DOT1L: variants seen among roughly 807,000 people sequenced by gnomAD.
DOT1L encodes the protein histone-lysine N-methyltransferase, H3 lysine-79 specific.
Under a neutral mutation model 153.3 loss-of-function variants are expected in DOT1L, and 33 were observed. The observed-to-expected ratio is 0.22, with a 90% confidence interval of 0.16 to 0.29. The LOEUF (loss-of-function observed/expected upper bound fraction) is 0.29. Ranked by LOEUF, DOT1L falls within the 10% of genes least tolerant of loss-of-function variation. The pLI is 1.00. For synonymous variants in DOT1L, 1,135 were observed against 965.1 expected, an observed-to-expected ratio of 1.18 and a Z score of -3.26; for missense variants, 1,847 against 2,119.9, an observed-to-expected ratio of 0.87 and a Z score of 2.53.
chr19:2,179,891 TG>T (rs2022147136), intron 1 of DOT1L, among the ~76,000 whole-genome samples: 1 of 152,026 alleles, frequency 6.6e-6, no homozygotes, highest in South Asian at 2.1e-4. Flanking sequence ...CAGCCTGTTG[TG>T]GGTTTATATC....
chr19:2,227,437 G>A, intron 27 of DOT1L: 1 of 609,860 alleles, frequency 1.6e-6, no homozygotes, highest in Non-Finnish European at 3.1e-6. Flanking sequence ...GGCCGCCCGG[G>A]CTCTGGCAAG....
chr19:2,209,910 C>T (rs762018716), intron 12 of DOT1L, among the ~76,000 whole-genome samples: 4 of 152,204 alleles, frequency 2.6e-5, no homozygotes, highest in Non-Finnish European at 4.4e-5. Context: ...GGGAACGGCC[C>T]GAGGTGGCCG....
rs1300191214 is a variant in DOT1L at position 2,190,111 on chromosome 19, C to T, written c.264+316C>T. 6.6e-6 allele frequency among the ~76,000 whole-genome samples: 1 copy of T among 152,154 alleles called. No individual in the cohort carries two copies. The highest frequency in any genetic ancestry group is 2.4e-5 in the African/African-American group (1 of 41,424). On this transcript the variant is annotated intron_variant, in intron 4 of 27. Transcript: ENST00000398665. The surrounding 1 kb of genome is among the most constrained non-coding windows in gnomAD (Gnocchi z 4.8). ...CGCAGGTCCCAGCAGAGGCGGGGTCCCTGTCCTCCCCGGGCTGTGTGAATG... is the reference window on the plus strand; with the variant it reads ...CGCAGGTCCCAGCAGAGGCGGGGTCTCTGTCCTCCCCGGGCTGTGTGAATG...
chr19:2,224,723 C>A (rs1253847959), intron 25 of DOT1L, among the ~76,000 whole-genome samples: 1 of 152,192 alleles, frequency 6.6e-6, no homozygotes, highest in Non-Finnish European at 1.5e-5. Context: ...CTCCCAGTGC[C>A]TCCCAGCGTG....
At chr19:2,170,299 G>C (rs562843345) in intron 1 of DOT1L, among the ~76,000 whole-genome samples, 3 of 152,294 alleles carry the variant, frequency 2.0e-5, no homozygotes, top group East Asian at 1.9e-4. Context: ...GCTTGCCCCT[G>C]GTGTGGTTGG....
At chr19:2,168,196 A>G (rs2144645902) in intron 1 of DOT1L, among the ~76,000 whole-genome samples, 1 of 152,310 alleles carries the variant, frequency 6.6e-6, no homozygotes, top group East Asian at 1.9e-4. Context: ...GGCCGGGCAC[A>G]GGGGCTCATG....
intron 27 of DOT1L, chr19:2,228,390 C>T (rs762849515): frequency 1.1e-5 from 14 of 1,274,080 alleles, no homozygotes; most frequent in Non-Finnish European, 1.3e-5. Context: ...AAGGTAAGGC[C>T]AGAGCCCTGC....
At chr19:2,164,408 C>G (rs1019737501) in intron 1 of DOT1L, 143 bp downstream of exon 1, 2 of 501,598 alleles carry the variant, frequency 4.0e-6, no homozygotes, top group Non-Finnish European at 6.0e-6. Flanking sequence ...TGCTCCACCC[C>G]CGTTGCTTCC....
rs980826533 is a variant in DOT1L, at chr19:2,232,445, C to T, written c.*2653C>T. On this transcript the variant is annotated 3_prime_UTR_variant, in exon 28 of 28. Transcript: ENST00000398665. ...ACGTGGGAGGCTCTGCCGTGTCTTC[C>T]GGGTGAACTGTATTTGGATTGCGCG... The T allele has an allele frequency of 5.4e-5, 12 of 221,824 alleles. No individual in the cohort carries two copies. The highest frequency in any genetic ancestry group is 1.8e-4 in the South Asian group (1 of 5,446). The allele number at this position is 221,824 out of a possible 1,614,324, so 13.7% of individuals were successfully genotyped here.
chr19:2,205,259 C>T (rs529860136), intron 9 of DOT1L, among the ~76,000 whole-genome samples: 3 of 152,096 alleles, frequency 2.0e-5, no homozygotes, highest in East Asian at 1.9e-4. Flanking sequence ...CATGAGCCAC[C>T]GCACCTGGCC....
At chr19:2,216,232 G>A (rs574022778) in intron 19 of DOT1L, 49 bp from the exon 20 acceptor site, 6 of 1,523,914 alleles carry the variant, frequency 3.9e-6, no homozygotes. Context: ...TTGGTTCCCT[G>A]GAGTGGTCCC....
rs952016281 is a variant in DOT1L at position 2,217,407 on chromosome 19, G to A, written c.2544+317G>A. 5.9e-5 allele frequency among the ~76,000 whole-genome samples: 9 copies of A among 152,158 alleles called. No individual in the cohort carries two copies. The highest frequency in any genetic ancestry group is 2.1e-4 in the South Asian group (1 of 4,830). ...GGCCGCTGCCCATGAGGACTTCCCC[G>A]GGGGCACTGGCCTGTGTGCACAGGG... On this transcript the variant is annotated intron_variant, in intron 21 of 27. Coordinates refer to ENST00000398665, the MANE Select transcript of DOT1L (RefSeq NM_032482.3). The surrounding 1 kb of genome is among the most constrained non-coding windows in gnomAD (Gnocchi z 7.3).
At chr19:2,224,300 G>A (rs889655237) in intron 25 of DOT1L, among the ~76,000 whole-genome samples, 4 of 152,124 alleles carry the variant, frequency 2.6e-5, no homozygotes, top group African/African-American at 9.7e-5. Flanking sequence ...TGGGTGGCCC[G>A]GCCCCCTGGG....
chr19:2,164,224 G>A lies in DOT1L; in HGVS notation c.40G>A (p.Gly14Arg). The A allele has an allele frequency of 7.8e-7, 1 of 1,289,046 alleles. No individual in the cohort carries two copies. The highest frequency in any genetic ancestry group is 3.3e-5 in the Admixed American group (1 of 30,090). The allele number at this position is 1,289,046 out of a possible 1,614,324, so 79.9% of individuals were successfully genotyped here. ...GGAGCTGAGACTGAAGTCGCCCGTG[G>A]GGGCTGAGCCCGCCGTCTACCCGTG... ...KLELRLKSPV[G>R]AEPAVYPWPL... The change falls in exon 1 of 28, where the codon GGG becomes AGG. Residue 14 changes from glycine (G) to arginine (R), a missense_variant. By Grantham distance (125) the Gly-to-Arg change is moderately radical. Around this residue, in one of 8 missense-constraint regions of DOT1L, gnomAD observed 37 missense variants for 31.0 expected, o/e 1.19. Coordinates refer to ENST00000398665, the MANE Select transcript of DOT1L (RefSeq NM_032482.3).
rs1013273264 is a variant in DOT1L at position 2,193,753 on chromosome 19, G to A, written c.558G>A (p.Glu186=). Residue 186 remains glutamate (E), a synonymous_variant, in exon 6 of 28, where the codon GAG becomes GAA. Coordinates refer to ENST00000398665, the MANE Select transcript of DOT1L (RefSeq NM_032482.3). This position sits in a 1 kb window ranked among gnomAD's most constrained non-coding sequence, Gnocchi z 5.9. The part of the protein sequence containing the change: ...ATNCKHHYGV[E]KADIPAKYAE... ...ACTGCAAACATCACTATGGCGTCGA[G>A]AAAGCAGACATCCCGGCCAAGTATG... 4 of 1,614,140 alleles carry A rather than the reference G, an allele frequency of 2.5e-6. No individual in the cohort carries two copies. The highest frequency in any genetic ancestry group is 3.3e-4 in the Middle Eastern group (2 of 6,062).
At chr19:2,186,024 T>G in intron 3 of DOT1L, 95 bp downstream of exon 3, 1 of 1,147,880 alleles carries the variant, frequency 8.7e-7, no homozygotes, top group Non-Finnish European at 1.3e-6. Context: ...TCTTCTTAGA[T>G]GGTGCAAGCT....
intron 18 of DOT1L, 42 bp downstream of exon 18, chr19:2,214,028 G>A (rs200067534): frequency 1.3e-6 from 2 of 1,593,902 alleles, no homozygotes; most frequent in African/African-American, 1.3e-5. Context: ...GAACCAGAGG[G>A]GCCCTGCCTG....
At chr19:2,173,487 G>A (rs550827511) in intron 1 of DOT1L, among the ~76,000 whole-genome samples, 2 of 152,314 alleles carry the variant, frequency 1.3e-5, no homozygotes, top group South Asian at 4.1e-4. Context: ...GACAGAGCAG[G>A]GCGTCCTCGG....
rs189800096 is a variant in DOT1L, at chr19:2,232,348, C to T, written c.*2556C>T. Reference sequence around the variant, plus strand: ...GGTCAGCAGGCCCCCCACCCCCCGCCGACTGCCCTCGCCATCGTGGTCAGA... The same window carrying T: ...GGTCAGCAGGCCCCCCACCCCCCGCTGACTGCCCTCGCCATCGTGGTCAGA... On this transcript the variant is annotated 3_prime_UTR_variant, in exon 28 of 28. Coordinates refer to ENST00000398665, the MANE Select transcript of DOT1L (RefSeq NM_032482.3). 9.8e-4 allele frequency: 203 copies of T among 207,920 alleles called. 1 individual carries two copies. The highest frequency in any genetic ancestry group is 1.2e-3 in the Non-Finnish European group (124 of 102,338). 12.9% of individuals were successfully genotyped at this position (207,920 alleles called of 1,614,324 possible).
Sources: gnomAD v4.1 joint callset for allele counts (sites outside exome capture counted in the v4.1 genomes callset) on GRCh38, gnomAD v4.1.1 for gene constraint, gnomAD v4.1.1 regional missense constraint, Gnocchi (gnomAD v3.1) non-coding constraint, MANE v1.5 for transcripts, NCBI Gene and HGNC (gene_info 2026-07-23, HGNC 2026-07-21) for gene names.